Variants in HELZ observed in about 807,000 individuals in gnomAD.
The protein encoded by HELZ is ATP-dependent RNA helicase with zinc finger domain.
Under a neutral mutation model 218.2 loss-of-function variants are expected in HELZ, and 23 were observed. The observed-to-expected ratio is 0.11, with a 90% CI of 0.08 to 0.15. The LOEUF (loss-of-function observed/expected upper bound fraction) is 0.15, where lower values mean the gene tolerates loss of function less well. HELZ is among the 10% of genes least tolerant of loss of function. HELZ has a pLI of 1.00. For synonymous variants in HELZ, 814 were observed against 829.4 expected, an observed-to-expected ratio of 0.98 and a Z score of 0.32; for missense variants, 1,813 against 2,353.7, an observed-to-expected ratio of 0.77 and a Z score of 4.75.
chr17:67,203,218 C>T (rs2040212616), intron 6 of HELZ, 101 bp downstream of exon 6: 18 of 1,265,772 alleles, frequency 1.4e-5, no homozygotes, highest in Non-Finnish European at 1.8e-5. Flanking sequence ...AGAGGAAGAA[C>T]TAAAAGAAAA....
At chr17:67,133,264 G>A (rs2038042677) in intron 23 of HELZ, among the ~76,000 whole-genome samples, 1 of 152,074 alleles carries the variant, frequency 6.6e-6, no homozygotes, top group African/African-American at 2.4e-5. Flanking sequence ...GGCAACTGCA[G>A]ACTCAGCTTT....
chr17:67,180,594 A>C (rs2039578781), intron 12 of HELZ, among the ~76,000 whole-genome samples: 1 of 152,106 alleles, frequency 6.6e-6, no homozygotes, highest in Non-Finnish European at 1.5e-5. Context: ...AAATACAAAA[A>C]TTGCGGGGCA....
Position 67,174,995 on chromosome 17 carries a change from G to A in HELZ, c.1430+3664C>T, listed in dbSNP as rs139666633. On this transcript the variant is annotated intron_variant, in intron 13 of 32. Transcript: ENST00000358691. ...AATACATGTCCAAGTCATTTAGAGA[G>A]ATGAGTCTATATAAGCATACCATTG... Among the ~76,000 whole-genome samples the A allele has an allele frequency of 2.2e-3, 337 of 152,236 alleles. 1 individual carries two copies. Among genetic ancestry groups the A allele is most frequent in the Non-Finnish European group, 2.6e-3 (174 of 68,002 alleles).
chr17:67,135,917 T>C (rs887468346), intron 23 of HELZ, 53 bp downstream of exon 23: 1 of 1,402,496 alleles, frequency 7.1e-7, no homozygotes, highest in Non-Finnish European at 9.9e-7. Flanking sequence ...CACATAGGGA[T>C]ACAAATCATG....
chr17:67,188,646 T>C lies in HELZ; in HGVS notation c.865-30A>G. 1 of 1,561,028 alleles carries C rather than the reference T, an allele frequency of 6.4e-7. No individual in the cohort carries two copies. The highest frequency in any genetic ancestry group is 1.2e-5 in the South Asian group (1 of 85,036). The stretch of plus-strand genomic sequence containing the variant: ...AAGGAAGTTAAAATAATTCATTGAG[T>C]ACAAGGGGGTGAAAAATCCAATTGT... On this transcript the variant is annotated intron_variant, in intron 11 of 32. Transcript: ENST00000358691. This position sits in a 1 kb window ranked among gnomAD's most constrained non-coding sequence, Gnocchi z 4.1.
At chr17:67,087,102 T>C in intron 31 of HELZ, 21 bp from the exon 32 acceptor site, 2 of 1,612,552 alleles carry the variant, frequency 1.2e-6, no homozygotes, top group Non-Finnish European at 1.7e-6. Flanking sequence ...AAAAAGAACA[T>C]TTCATAAATC....
chr17:67,078,201 C>A lies in HELZ; in HGVS notation c.*51G>T, dbSNP rs1319058741. 7.6e-7 allele frequency: 1 copy of A among 1,321,398 alleles called. No individual in the cohort carries two copies. Among genetic ancestry groups the A allele is most frequent in the Non-Finnish European group, 1.1e-6 (1 of 921,148 alleles). The allele number at this position is 1,321,398 out of a possible 1,614,324, so 81.9% of individuals were successfully genotyped here. A position where few individuals can be genotyped will look rare whatever the true frequency, so the allele number is the denominator to read the frequency against. On this transcript the variant is annotated 3_prime_UTR_variant, in exon 33 of 33. Transcript: ENST00000358691. ...ATGAAGTCCAACTACCTTAATTCTA[C>A]TGATACAAACAGAAATTAAAACATT...
rs1345990820 is a variant in HELZ, at chr17:67,109,227, C to T, written c.4378G>A (p.Glu1460Lys). 6.2e-7 allele frequency: 1 copy of T among 1,614,126 alleles called. No homozygotes were observed. The highest frequency in any genetic ancestry group is 1.1e-5 in the South Asian group (1 of 91,082). Reference protein sequence around the residue: ...PEQQPPPMLQEGHSPLRAIAQ... With the variant: ...PEQQPPPMLQKGHSPLRAIAQ... ...ATGGCTCTCAGAGGACTGTGGCCTTCTTGCAGCATGGGAGGGGGCTGCTGC... is the reference window on the plus strand; with the variant it reads ...ATGGCTCTCAGAGGACTGTGGCCTTTTTGCAGCATGGGAGGGGGCTGCTGC... The change falls in exon 29 of 33, where the codon GAA becomes AAA. Residue 1460 changes from glutamate (E) to lysine (K), a missense_variant. Glu to Lys is a moderately conservative substitution (Grantham distance 56, BLOSUM62 1). Coordinates refer to ENST00000358691, the MANE Select transcript of HELZ (RefSeq NM_014877.4).
rs1171928229 is a variant in HELZ, at chr17:67,196,616, GGGTGGATGGGAA to G, written c.430-1158_430-1147del. On this transcript the variant is annotated intron_variant, in intron 7 of 32. Coordinates refer to ENST00000358691, the MANE Select transcript of HELZ (RefSeq NM_014877.4). ...TGGATGGATGGATGGGTGCATGGGT[GGGTGGATGGGAA>G]CATGGGTGGGTGGATGGGAACATGG... 1.7e-3 allele frequency among the ~76,000 whole-genome samples: 259 copies of G among 150,210 alleles called. 1 individual carries two copies. The highest frequency in any genetic ancestry group is 6.2e-3 in the African/African-American group (248 of 39,980).
intron 5 of HELZ, among the ~76,000 whole-genome samples, chr17:67,215,387 C>T (rs1156372375): frequency 3.4e-5 from 5 of 145,420 alleles, no homozygotes; most frequent in South Asian, 2.2e-4. Context: ...CTCACTCTGT[C>T]GCCCAAGCTG....
chr17:67,201,315 T>C lies in HELZ; in HGVS notation c.373-130A>G, dbSNP rs2040162804. The stretch of plus-strand genomic sequence containing the variant: ...CAATGTTATCCTCATCCCTCATCAC[T>C]ACTACCATTAACGATGACAATAAAG... On this transcript the variant is annotated intron_variant, in intron 6 of 32. Transcript: ENST00000358691. 3 of 592,664 alleles carry C rather than the reference T, an allele frequency of 5.1e-6. No individual in the cohort carries two copies. The Admixed American group carries it at 8.7e-5, about 17-fold the overall frequency. 36.7% of individuals were successfully genotyped at this position (592,664 alleles called of 1,614,324 possible).
In HELZ at chr17:67,074,148, G is replaced by A. The variant is rs914306025; in HGVS notation, c.*4104C>T. On this transcript the variant is annotated 3_prime_UTR_variant, in exon 33 of 33. Transcript: ENST00000358691. ...TGAGATTCAGGAAGACATATAGCGC[G>A]GCAGTAGAAATTAAGGATTTTCATA... The A allele has an allele frequency of 8.6e-5, 13 of 152,024 alleles. No individual in the cohort carries two copies. Among genetic ancestry groups the A allele is most frequent in the African/African-American group, 2.9e-4 (12 of 41,484 alleles). 9.4% of individuals were successfully genotyped at this position (152,024 alleles called of 1,614,324 possible). A position where few individuals can be genotyped will look rare whatever the true frequency, so the allele number is the denominator to read the frequency against.
chr17:67,194,833 A>G (rs2039983025), intron 8 of HELZ, among the ~76,000 whole-genome samples: 1 of 152,218 alleles, frequency 6.6e-6, no homozygotes, highest in South Asian at 2.1e-4. Context: ...GCTGTGCTTC[A>G]TCTCTATACT....
At chr17:67,185,875 G>C (rs1252545005) in intron 12 of HELZ, among the ~76,000 whole-genome samples, 1 of 152,070 alleles carries the variant, frequency 6.6e-6, no homozygotes, top group Non-Finnish European at 1.5e-5. Context: ...AAAAGAGGAG[G>C]ATATCCTTGT....
chr17:67,182,523 G>A (rs981674447), intron 12 of HELZ, among the ~76,000 whole-genome samples: 1 of 152,094 alleles, frequency 6.6e-6, no homozygotes, highest in African/African-American at 2.4e-5. Context: ...CTTTAACAGT[G>A]ACTTATTAAC....
intron 23 of HELZ, among the ~76,000 whole-genome samples, chr17:67,134,379 CT>C (rs1238730250): frequency 2.0e-5 from 3 of 146,652 alleles, no homozygotes; most frequent in Admixed American, 2.0e-4. Context: ...GAGTGAAACT[CT>C]GTCTCAAAAA....
chr17:67,088,010 G>A (rs2036446441), intron 31 of HELZ, among the ~76,000 whole-genome samples: 1 of 152,112 alleles, frequency 6.6e-6, no homozygotes, highest in Non-Finnish European at 1.5e-5. Flanking sequence ...GTCACCTTGG[G>A]CAACTGATTT....
intron 15 of HELZ, among the ~76,000 whole-genome samples, chr17:67,164,758 G>A (rs2039091703): frequency 6.6e-6 from 1 of 152,138 alleles, no homozygotes; most frequent in Non-Finnish European, 1.5e-5. Context: ...AAAAGTAGAA[G>A]AAATCTGAAA....
intron 26 of HELZ, 48 bp from the exon 27 acceptor site, chr17:67,120,660 G>A: frequency 7.5e-7 from 1 of 1,332,802 alleles, no homozygotes; most frequent in Non-Finnish European, 1.1e-6. Flanking sequence ...ATTTTGGAAG[G>A]CAAACTGCTA....
Sources: gnomAD v4.1 joint callset for allele counts (sites outside exome capture counted in the v4.1 genomes callset) on GRCh38, gnomAD v4.1.1 for gene constraint, Gnocchi (gnomAD v3.1) non-coding constraint, MANE v1.5 for transcripts, NCBI Gene and HGNC (gene_info 2026-07-23, HGNC 2026-07-21) for gene names.